The following RPGR variants were observed in gnomAD, a reference collection of about 807,000 sequenced individuals.
RPGR encodes retinitis pigmentosa GTPase regulator.
RPGR carries 10 observed loss-of-function variants against 56.3 expected under a neutral mutation model. That is an observed-to-expected ratio of 0.18 (90% CI 0.11 to 0.30). The LOEUF is 0.30. Among genes scored for constraint, RPGR ranks in the 10% least tolerant of loss-of-function variants. RPGR has a pLI of 1.00. For synonymous variants in RPGR, 197 were observed against 212.9 expected (o/e 0.93, Z 0.65); for missense variants, 538 against 590.9 (o/e 0.91, Z 0.93).
chrX:38,285,842 C>T, intron 15 of RPGR: 1 of 1,207,169 alleles, frequency 8.3e-7, no homozygotes, highest in Non-Finnish European at 1.1e-6. Flanking sequence ...CTGTTTTCTT[C>T]TCCTTCCCCC....
At chrX:38,321,670 A>AC (rs1249311462) in intron 3 of RPGR, among the ~76,000 whole-genome samples, 2 of 109,353 alleles carry the variant, frequency 1.8e-5, no homozygotes, top group African/African-American at 6.7e-5. Flanking sequence ...AAAAAAAAAA[A>AC]AACAACAACT....
intron 15 of RPGR, among the ~76,000 whole-genome samples, chrX:38,279,638 C>T (rs184028002): frequency 1.1e-4 from 12 of 108,354 alleles, no homozygotes; most frequent in African/African-American, 3.4e-4. Flanking sequence ...GATTTGGATG[C>T]TGATCAGTTT....
intron 15 of RPGR, chrX:38,286,749 CTCT>C: frequency 8.7e-7 from 1 of 1,155,011 alleles, no homozygotes; most frequent in Non-Finnish European, 1.2e-6. Flanking sequence ...CTCCCTCCTT[CTCT>C]TCTTCCTCTT....
At chrX:38,317,293 G>A in intron 6 of RPGR, 23 bp downstream of exon 6, 15 of 1,192,684 alleles carry the variant, frequency 1.3e-5, no homozygotes, top group Non-Finnish European at 1.7e-5. Flanking sequence ...GAGATAACAT[G>A]ATGACTTCAA....
In RPGR at chrX:38,313,837, T is replaced by C. The variant is rs149939167; in HGVS notation, c.620-3064A>G. Among the ~76,000 whole-genome samples, 699 of 112,142 alleles carry C rather than the reference T, an allele frequency of 6.2e-3. 6 individuals carry two copies. The highest frequency in any genetic ancestry group is 0.028 in the Middle Eastern group (6 of 217). On this transcript the variant is annotated intron_variant, in intron 6 of 18. Coordinates refer to ENST00000642395, the MANE Select transcript of RPGR (RefSeq NM_000328.3). ...AGTTTGACTGTAAACTTCAGAAGGG[T>C]AGGTACTACATTTTAATCAACTTGG... is the stretch of plus-strand genomic sequence containing the variant.
rs1199553512 is a variant in RPGR at position 38,327,352 on chromosome X, C to G, written c.16G>C (p.Glu6Gln). ...GGGCGCAACTCACCGGGCATCAGCT[C>G]TTCCGGCTCCCTCATGCCACGGGCA... Residue 6 changes from glutamate (E) to glutamine (Q), a missense_variant, in exon 1 of 19, where the codon GAG becomes CAG. Physicochemically the swap from Glu to Gln is conservative, Grantham distance 29. Transcript: ENST00000642395. 4 of 1,189,874 alleles carry G rather than the reference C, an allele frequency of 3.4e-6. No homozygotes were observed. The highest frequency in any genetic ancestry group is 4.5e-6 in the Non-Finnish European group (4 of 886,205).
chrX:38,283,986 T>C (rs2067080092), intron 15 of RPGR, among the ~76,000 whole-genome samples: 2 of 112,099 alleles, frequency 1.8e-5, no homozygotes, highest in South Asian at 7.5e-4. Flanking sequence ...GCCAAATCAG[T>C]ACATTTGGTT....
At chrX:38,309,892 C>T (rs2067679566) in intron 7 of RPGR, among the ~76,000 whole-genome samples, 1 of 111,803 alleles carries the variant, frequency 8.9e-6, no homozygotes, top group Non-Finnish European at 1.9e-5. Context: ...CAACAAGATT[C>T]ATTTTTTTTC....
At chrX:38,304,897 G>C in intron 7 of RPGR, 107 bp from the exon 8 acceptor site, 1 of 670,769 alleles carries the variant, frequency 1.5e-6, no homozygotes, top group South Asian at 2.5e-5. Context: ...AAGGTTAAGT[G>C]CCTCTGGGGA....
rs184232545 is a variant in RPGR at position 38,298,745 on chromosome X, T to A, written c.1245+211A>T. 3.6e-5 allele frequency among the ~76,000 whole-genome samples: 4 copies of A among 112,091 alleles called. No individual in the cohort carries two copies. The East Asian group carries it at 1.1e-3, about 31-fold the overall frequency. On this transcript the variant is annotated intron_variant, in intron 10 of 18. Transcript: ENST00000642395. Reference sequence around the variant, plus strand: ...ATGCAAAAGTTTTCTATAATTTAAATTTTCTAATTTGTGTCTTTAAAAAAA... The same window carrying A: ...ATGCAAAAGTTTTCTATAATTTAAAATTTCTAATTTGTGTCTTTAAAAAAA...
At chrX:38,300,494 AAC>A (rs1175358670) in intron 9 of RPGR, among the ~76,000 whole-genome samples, 1 of 111,694 alleles carries the variant, frequency 9.0e-6, no homozygotes, top group East Asian at 2.8e-4. Flanking sequence ...ATACATCCTT[AAC>A]CTAAGAAAAT....
intron 6 of RPGR, among the ~76,000 whole-genome samples, chrX:38,315,615 AAAT>A (rs1190850311): frequency 9.0e-6 from 1 of 111,064 alleles, no homozygotes; most frequent in East Asian, 2.8e-4. Context: ...CAAAAATTAG[AAAT>A]AATAATTTCT....
chrX:38,324,315 C>G (rs1359526185), intron 1 of RPGR, among the ~76,000 whole-genome samples: 2 of 110,998 alleles, frequency 1.8e-5, no homozygotes, highest in Non-Finnish European at 3.8e-5. Context: ...AACTCCTGGT[C>G]TCAGGCTCAG....
chrX:38,320,406 T>A (rs1283051097), intron 4 of RPGR, among the ~76,000 whole-genome samples: 1 of 112,156 alleles, frequency 8.9e-6, no homozygotes, highest in African/African-American at 3.2e-5. Context: ...TTCCTTGGCA[T>A]CTTTGCCAAA....
At chrX:38,278,736 A>T (rs2066979463) in intron 15 of RPGR, among the ~76,000 whole-genome samples, 1 of 112,263 alleles carries the variant, frequency 8.9e-6, no homozygotes, top group African/African-American at 3.2e-5. Flanking sequence ...TGCTCCTGAG[A>T]CAAGGAATTT....
intron 15 of RPGR, among the ~76,000 whole-genome samples, chrX:38,282,900 A>ATAT (rs1380928943): frequency 9.0e-6 from 1 of 111,031 alleles, no homozygotes; most frequent in Non-Finnish European, 1.9e-5. Flanking sequence ...TTCTATATAT[A>ATAT]CTACTCACAC....
At chrX:38,300,649 C>T (rs1228962142) in intron 9 of RPGR, among the ~76,000 whole-genome samples, 1 of 111,557 alleles carries the variant, frequency 9.0e-6, no homozygotes, top group Non-Finnish European at 1.9e-5. Context: ...ATTCTCGTGC[C>T]TCAGCCTCCC....
intron 15 of RPGR, among the ~76,000 whole-genome samples, chrX:38,281,889 A>C (rs1249644481): frequency 9.2e-6 from 1 of 108,852 alleles, no homozygotes; most frequent in Non-Finnish European, 1.9e-5. Context: ...TTTGAGGATA[A>C]TAATGGCTGT....
intron 15 of RPGR, among the ~76,000 whole-genome samples, chrX:38,283,502 T>C (rs775646506): frequency 8.9e-6 from 1 of 111,742 alleles, no homozygotes; most frequent in South Asian, 3.7e-4. Flanking sequence ...GCTAAGAGAC[T>C]AGCCCAAGTT....
Sources: gnomAD v4.1 joint callset for allele counts (sites outside exome capture counted in the v4.1 genomes callset) on GRCh38, gnomAD v4.1.1 for gene constraint, MANE v1.5 for transcripts, NCBI Gene and HGNC (gene_info 2026-07-23, HGNC 2026-07-21) for gene names.